Variants in TENM3 observed in about 807,000 individuals in gnomAD.
TENM3 encodes the protein teneurin transmembrane protein 3.
Under a neutral mutation model 255.1 loss-of-function variants are expected in TENM3, and 63 were observed. The ratio of observed to expected loss-of-function variants is 0.25; its 90% CI spans 0.20 to 0.30. TENM3 has a LOEUF of 0.30. TENM3 is among the 10% of genes least tolerant of loss of function. The pLI is 1.00. For synonymous variants in TENM3, 1,306 were observed against 1,322.3 expected, an observed-to-expected ratio of 0.99 and a Z score of 0.27; for missense variants, 2,929 against 3,461.1, an observed-to-expected ratio of 0.85 and a Z score of 3.86.
chr4:181,745,222 T>C, the TENM3 span, among the ~76,000 whole-genome samples: 2 of 152,092 alleles, frequency 1.3e-5, no homozygotes, highest in Non-Finnish European at 2.9e-5. Context: ...ATCCCGTCAT[T>C]ATGTCAGGGA....
the TENM3 span, among the ~76,000 whole-genome samples, chr4:181,607,604 C>T: frequency 4.6e-5 from 7 of 151,964 alleles, no homozygotes; most frequent in Non-Finnish European, 7.4e-5. Context: ...GGGGTTTCAC[C>T]ATGTTGGCCA....
At chr4:182,143,872 A>C (rs1749664421), upstream of TENM3, 1 of 152,624 alleles carries the variant, frequency 6.6e-6, no homozygotes, top group African/African-American at 2.4e-5. This position sits in a 1 kb window ranked among gnomAD's most constrained non-coding sequence, Gnocchi z 4.3. Flanking sequence ...TAGTAAAGGC[A>C]CTGATTGGTC....
intron 3 of TENM3, among the ~76,000 whole-genome samples, chr4:182,467,034 T>A (rs1187315518): frequency 6.6e-6 from 1 of 152,202 alleles, no homozygotes; most frequent in Admixed American, 6.5e-5. Context: ...GAATTTTGAA[T>A]GTTTGCTATT....
the TENM3 span, among the ~76,000 whole-genome samples, chr4:182,024,626 A>T: frequency 4.6e-5 from 7 of 152,182 alleles, no homozygotes; most frequent in African/African-American, 1.7e-4. Context: ...ACAGACATGC[A>T]GTGGATGATC....
chr4:182,730,221 C>A lies in TENM3; in HGVS notation c.2607C>A (p.Gly869=). 6.2e-7 allele frequency: 1 copy of A among 1,613,792 alleles called. No homozygotes were observed. Among genetic ancestry groups the A allele is most frequent in the East Asian group, 2.2e-5 (1 of 44,864 alleles). Residue 869 remains glycine (G), a synonymous_variant, in exon 15 of 28, where the codon GGC becomes GGA. Transcript: ENST00000511685. ...FNKSLASVIR[G]QVLTADGTPL... ...ACAGCCTTGCATCTGTCATCAGAGG[C>A]CAAGTACTGACTGCTGATGGAACTC...
At chr4:181,551,769 T>A in the TENM3 span, among the ~76,000 whole-genome samples, 1 of 151,492 alleles carries the variant, frequency 6.6e-6, no homozygotes, top group African/African-American at 2.4e-5. Flanking sequence ...GCTGAGGTTT[T>A]ATTTGTTATT....
intron 3 of TENM3, among the ~76,000 whole-genome samples, chr4:182,428,852 C>T (rs73869987): frequency 0.016 from 2,503 of 152,072 alleles, 57 homozygotes; most frequent in African/African-American, 0.052. Flanking sequence ...TTTTTTCTGT[C>T]TCTGATGGTA....
chr4:182,119,651 C>G, the TENM3 span, among the ~76,000 whole-genome samples: 4 of 152,034 alleles, frequency 2.6e-5, no homozygotes, highest in Non-Finnish European at 5.9e-5. Context: ...GTTCTTAGGA[C>G]AGAGTGGAGA....
At chr4:181,709,390 C>G in the TENM3 span, among the ~76,000 whole-genome samples, 2 of 152,158 alleles carry the variant, frequency 1.3e-5, no homozygotes, top group African/African-American at 4.8e-5. Flanking sequence ...AATAACATAT[C>G]AGTGAATGCC....
At chr4:182,268,933 T>C in intron 1 of TENM3, among the ~76,000 whole-genome samples, 1 of 152,214 alleles carries the variant, frequency 6.6e-6, no homozygotes, top group Non-Finnish European at 1.5e-5. Flanking sequence ...GCTGTCACTT[T>C]GGACTGTGAA....
chr4:182,744,312 T>C, intron 19 of TENM3: 1 of 339,326 alleles, frequency 2.9e-6, no homozygotes, highest in Non-Finnish European at 4.2e-6. Flanking sequence ...AAGTGCTTAA[T>C]TGAACAATTA....
the TENM3 span, among the ~76,000 whole-genome samples, chr4:181,799,513 A>G: frequency 3.3e-5 from 5 of 152,344 alleles, no homozygotes; most frequent in Non-Finnish European, 5.9e-5. Flanking sequence ...TCAATAGCAT[A>G]TTTATTTAAT....
At chr4:181,828,205 G>T in the TENM3 span, among the ~76,000 whole-genome samples, 1 of 152,188 alleles carries the variant, frequency 6.6e-6, no homozygotes, top group Non-Finnish European at 1.5e-5. Context: ...TGGGCTTTGA[G>T]GTGCTCCTTC....
At chr4:182,211,929 T>A (rs1445580810) in intron 1 of TENM3, among the ~76,000 whole-genome samples, 2 of 152,170 alleles carry the variant, frequency 1.3e-5, no homozygotes, top group Non-Finnish European at 2.9e-5. Context: ...TCACTAGGAA[T>A]AGTGAGTTTT....
chr4:181,513,382 C>T, the TENM3 span, among the ~76,000 whole-genome samples: 1 of 152,106 alleles, frequency 6.6e-6, no homozygotes, highest in Non-Finnish European at 1.5e-5. Flanking sequence ...CTTTTACCAG[C>T]CAGAAGCAGA....
At chr4:182,633,462 C>T (rs948783336) in intron 5 of TENM3, among the ~76,000 whole-genome samples, 1 of 149,716 alleles carries the variant, frequency 6.7e-6, no homozygotes, top group Non-Finnish European at 1.5e-5. Flanking sequence ...AAGGCGATAC[C>T]TACGTTTTGC....
intron 12 of TENM3, among the ~76,000 whole-genome samples, chr4:182,700,869 C>G (rs1039268882): frequency 2.6e-5 from 4 of 152,014 alleles, no homozygotes; most frequent in African/African-American, 9.7e-5. Context: ...GCAAATTGGT[C>G]AATTTGCATC....
the TENM3 span, among the ~76,000 whole-genome samples, chr4:181,916,234 A>C: frequency 6.6e-6 from 1 of 152,214 alleles, no homozygotes; most frequent in African/African-American, 2.4e-5. Context: ...TCTAGGCTAG[A>C]TTAGTGCCTC....
chr4:182,562,387 C>T (rs138865419), intron 3 of TENM3, among the ~76,000 whole-genome samples: 2 of 152,120 alleles, frequency 1.3e-5, no homozygotes, highest in African/African-American at 4.8e-5. Context: ...AAGTCCTACC[C>T]ACAATTATTT....
Sources: gnomAD v4.1 joint callset for allele counts (sites outside exome capture counted in the v4.1 genomes callset) on GRCh38, gnomAD v4.1.1 for gene constraint, Gnocchi (gnomAD v3.1) non-coding constraint, MANE v1.5 for transcripts, NCBI Gene and HGNC (gene_info 2026-07-23, HGNC 2026-07-21) for gene names.